Variants in EEA1 observed in about 807,000 individuals in gnomAD.
The protein encoded by EEA1 is early endosome antigen 1.
EEA1 carries 111 observed loss-of-function variants against 209.2 expected under a neutral mutation model. The observed-to-expected ratio is 0.53, with a 90% CI of 0.45 to 0.62. The LOEUF (loss-of-function observed/expected upper bound fraction) is 0.62, where lower values mean the gene tolerates loss of function less well. EEA1 is among the 20% of genes least tolerant of loss of function. The probability of loss-of-function intolerance (pLI) is 0.00; values close to 1 mark genes in which losing one functional copy is unlikely to be tolerated. For synonymous variants in EEA1, 536 were observed against 540.6 expected (o/e 0.99, Z 0.12); for missense variants, 1,343 against 1,530.8 (o/e 0.88, Z 2.05).
chr12:92,857,328 A>G lies in EEA1; in HGVS notation c.313T>C (p.Tyr105His). ...LQASLKEEKW[Y>H]SEELKKELEK... ...AATTCCTTCTTTAATTCTTCCGAGT[A>G]CCATTTTTCTTCCTAATAAAAAAGA... The change falls in exon 5 of 29, where the codon TAC (tyrosine) becomes CAC (histidine). Residue 105 changes from tyrosine to histidine, a missense_variant. Physicochemically the swap from Tyr to His is moderately conservative, Grantham distance 83. Transcript: ENST00000322349. 1 of 1,591,044 alleles carries G rather than the reference A, an allele frequency of 6.3e-7. No individual in the cohort carries two copies. The highest frequency in any genetic ancestry group is 8.5e-7 in the Non-Finnish European group (1 of 1,171,890).
intron 10 of EEA1, among the ~76,000 whole-genome samples, chr12:92,834,542 T>C (rs1246598522): frequency 4.1e-5 from 2 of 49,328 alleles, no homozygotes; most frequent in East Asian, 7.0e-4. Flanking sequence ...CAAGACCCTG[T>C]CACTAAAAAA....
intron 9 of EEA1, among the ~76,000 whole-genome samples, chr12:92,844,453 T>C (rs1294894344): frequency 6.6e-6 from 1 of 152,178 alleles, no homozygotes; most frequent in African/African-American, 2.4e-5. Context: ...ACAGCTGATA[T>C]GTTAATATAT....
chr12:92,810,423 T>C (rs997997896), intron 17 of EEA1, among the ~76,000 whole-genome samples: 1 of 152,094 alleles, frequency 6.6e-6, no homozygotes, highest in African/African-American at 2.4e-5. Flanking sequence ...TTTTTAACCA[T>C]GCCTAAAGTA....
chr12:92,876,951 T>G (rs896846901), intron 2 of EEA1, among the ~76,000 whole-genome samples: 5 of 150,604 alleles, frequency 3.3e-5, no homozygotes, highest in Admixed American at 6.6e-5. Flanking sequence ...TTGTTTTTTT[T>G]TTTTGTTTTT....
At chr12:92,893,444 T>A (rs1323485292) in intron 1 of EEA1, among the ~76,000 whole-genome samples, 1 of 152,196 alleles carries the variant, frequency 6.6e-6, no homozygotes, top group Non-Finnish European at 1.5e-5. Flanking sequence ...TCCACTGAAA[T>A]GCCCCTCAAT....
At chr12:92,793,309 G>A (rs946841395) in intron 21 of EEA1, among the ~76,000 whole-genome samples, 3 of 152,100 alleles carry the variant, frequency 2.0e-5, no homozygotes, top group Admixed American at 1.3e-4. Context: ...AGAAATAAAG[G>A]GTATTCAATT....
At chr12:92,812,459 A>G (rs1490374125) in intron 16 of EEA1, among the ~76,000 whole-genome samples, 1 of 152,216 alleles carries the variant, frequency 6.6e-6, no homozygotes, top group African/African-American at 2.4e-5. Context: ...GGATGCTTCT[A>G]TTCTACCAGA....
At chr12:92,892,383 C>T (rs1272297248) in intron 1 of EEA1, among the ~76,000 whole-genome samples, 2 of 152,004 alleles carry the variant, frequency 1.3e-5, no homozygotes, top group Non-Finnish European at 1.5e-5. Flanking sequence ...TGAGCCATAA[C>T]GCTCAGTCCA....
At chr12:92,850,044 G>A (rs1217118754) in intron 9 of EEA1, among the ~76,000 whole-genome samples, 2 of 152,140 alleles carry the variant, frequency 1.3e-5, no homozygotes, top group East Asian at 1.9e-4. Flanking sequence ...TTATACAAGG[G>A]ATTTACAGGC....
At chr12:92,795,225 T>C (rs925878523) in intron 21 of EEA1, among the ~76,000 whole-genome samples, 1 of 152,202 alleles carries the variant, frequency 6.6e-6, no homozygotes, top group Non-Finnish European at 1.5e-5. Context: ...ACCTTCTCCC[T>C]CAGAACCAAA....
chr12:92,825,108 T>G (rs1876230534), intron 13 of EEA1, among the ~76,000 whole-genome samples: 1 of 152,176 alleles, frequency 6.6e-6, no homozygotes, highest in African/African-American at 2.4e-5. Flanking sequence ...GTCACAGTGC[T>G]GAGCACAGTG....
At chr12:92,906,722 G>A (rs1880400817) in intron 1 of EEA1, among the ~76,000 whole-genome samples, 1 of 152,218 alleles carries the variant, frequency 6.6e-6, no homozygotes, top group Non-Finnish European at 1.5e-5. Context: ...GCTGAGGCAG[G>A]AGAATGGCAT....
At chr12:92,883,887 A>G in intron 2 of EEA1, 6 of 1,594,402 alleles carry the variant, frequency 3.8e-6, no homozygotes, top group Non-Finnish European at 4.3e-6. Flanking sequence ...AGCAATGGGG[A>G]ACGCTCACGG....
chr12:92,838,594 G>A (rs1405226009), intron 10 of EEA1, among the ~76,000 whole-genome samples: 3 of 152,132 alleles, frequency 2.0e-5, no homozygotes, highest in African/African-American at 7.2e-5. Flanking sequence ...TCAACACCAA[G>A]AGTTGATGGG....
rs979341461 is a variant in EEA1, at chr12:92,884,572, G to A, written c.117+7057C>T. ...AGTCTTCAAATTTTGGACCCATGAAGGGAGGAAACTTTGGAGGCAGAAGCC... is the reference window on the plus strand; with the variant it reads ...AGTCTTCAAATTTTGGACCCATGAAAGGAGGAAACTTTGGAGGCAGAAGCC... On this transcript the variant is annotated intron_variant, in intron 2 of 28. Coordinates refer to ENST00000322349, the MANE Select transcript of EEA1 (RefSeq NM_003566.4). 110 of 1,483,174 alleles carry A rather than the reference G, an allele frequency of 7.4e-5. No homozygotes were observed. In the African/African-American group the frequency reaches 1.0e-3, roughly 14 times the overall value. 91.9% of individuals were successfully genotyped at this position (1,483,174 alleles called of 1,614,324 possible). A position where few individuals can be genotyped will look rare whatever the true frequency, so the allele number is the denominator to read the frequency against.
rs1873745148 is a variant in EEA1, at chr12:92,778,188, A to C, written c.3655-9T>G. The C allele has an allele frequency of 1.2e-6, 2 of 1,603,002 alleles. No individual in the cohort carries two copies. Among genetic ancestry groups the C allele is most frequent in the South Asian group, 1.1e-5 (1 of 89,544 alleles). ...TCTTTTATTTCGGAATGCTGAAAAA[A>C]AGGAAAAGTTGGGGGGAAATCTATT... On this transcript the variant is annotated splice_polypyrimidine_tract_variant and intron_variant, in intron 25 of 28. Coordinates refer to ENST00000322349, the MANE Select transcript of EEA1 (RefSeq NM_003566.4).
At chr12:92,913,557 T>C (rs2097598119) in intron 1 of EEA1, among the ~76,000 whole-genome samples, 1 of 152,228 alleles carries the variant, frequency 6.6e-6, no homozygotes, top group Admixed American at 6.5e-5. Context: ...TTTGTTTGTG[T>C]ATTTGCTTTT....
chr12:92,888,591 C>CAAAAAAAAAAAAA (rs770317244), intron 2 of EEA1, among the ~76,000 whole-genome samples: 2 of 113,094 alleles, frequency 1.8e-5, no homozygotes, highest in Non-Finnish European at 1.9e-5. Flanking sequence ...AACAAACAAA[C>CAAAAAAAAAAAAA]AAACAAAAAA....
chr12:92,810,362 C>T (rs1419366739), intron 17 of EEA1, among the ~76,000 whole-genome samples: 4 of 151,934 alleles, frequency 2.6e-5, no homozygotes, highest in African/African-American at 9.7e-5. Flanking sequence ...TTAATAGGTA[C>T]CCAAAAAGAA....
Sources: gnomAD v4.1 joint callset for allele counts (sites outside exome capture counted in the v4.1 genomes callset) on GRCh38, gnomAD v4.1.1 for gene constraint, MANE v1.5 for transcripts, NCBI Gene and HGNC (gene_info 2026-07-23, HGNC 2026-07-21) for gene names.